The following DDX46 variants were observed in gnomAD, a reference collection of about 807,000 sequenced individuals.
DDX46 encodes the protein DEAD-box helicase 46.
A neutral mutation model predicts 134.9 loss-of-function variants in DDX46; 30 were observed. The observed-to-expected ratio is 0.22, with a 90% CI of 0.17 to 0.30. The LOEUF is 0.30. DDX46 is among the 10% of genes least tolerant of loss of function. The probability of loss-of-function intolerance (pLI) is 1.00; values close to 1 mark genes in which losing one functional copy is unlikely to be tolerated. For missense variants in DDX46, 622 were observed against 1,248.7 expected (o/e 0.50, Z 7.56); for synonymous variants, 415 against 404.1 (o/e 1.03, Z -0.32).
Position 134,811,275 on chromosome 5 carries a change from A to G in DDX46, c.2203A>G (p.Ile735Val), listed in dbSNP as rs746193142. 3 of 1,614,090 alleles carry G rather than the reference A, an allele frequency of 1.9e-6. 1 individual carries two copies. The South Asian group carries it at 3.3e-5, about 18-fold the overall frequency. Residue 735 changes from isoleucine (I) to valine (V), a missense_variant, in exon 17 of 23, where the codon ATT becomes GTT. Around this residue, in one of 8 missense-constraint regions of DDX46, gnomAD observed 209 missense variants for 508.4 expected, o/e 0.41. Transcript: ENST00000452510. ...TCAAGCTCGCTATGCTGGTGACATAATTAAAGCTCTTGAATTGTCAGGGAC... is the reference window on the plus strand; with the variant it reads ...TCAAGCTCGCTATGCTGGTGACATAGTTAAAGCTCTTGAATTGTCAGGGAC... ...EDQARYAGDIIKALELSGTAV... is the reference protein window; with the variant it reads ...EDQARYAGDIVKALELSGTAV...
intron 18 of DDX46, among the ~76,000 whole-genome samples, chr5:134,815,576 G>A (rs1452019937): frequency 1.3e-5 from 2 of 151,642 alleles, no homozygotes; most frequent in South Asian, 2.1e-4. Flanking sequence ...GTGTGGTGGC[G>A]GGCACCTGTA....
At chr5:134,815,725 A>AAAG (rs1755271947) in intron 18 of DDX46, among the ~76,000 whole-genome samples, 1 of 151,044 alleles carries the variant, frequency 6.6e-6, no homozygotes, top group African/African-American at 2.4e-5. Context: ...AAAAAAAAAA[A>AAAG]AAAAAAAGAA....
At chr5:134,776,838 A>G (rs1240570851) in intron 5 of DDX46, among the ~76,000 whole-genome samples, 1 of 150,404 alleles carries the variant, frequency 6.6e-6, no homozygotes, top group African/African-American at 2.4e-5. Context: ...GCTTGAACCC[A>G]GGATATCAGA....
chr5:134,775,466 C>T (rs571351138), intron 5 of DDX46, among the ~76,000 whole-genome samples: 2 of 151,846 alleles, frequency 1.3e-5, no homozygotes, highest in East Asian at 3.9e-4. Context: ...CGCTTGAGTG[C>T]AGTGCCGTGA....
At position 134,811,275 on chromosome 5, in the gene DDX46, A is replaced by C. The variant is rs746193142; in HGVS notation, c.2203A>C (p.Ile735Leu). 1 of 1,614,090 alleles carries C rather than the reference A, an allele frequency of 6.2e-7. No homozygotes were observed. Residue 735 changes from isoleucine to leucine, a missense_variant, in exon 17 of 23, where the codon ATT (isoleucine) becomes CTT (leucine). By Grantham distance (5) the Ile-to-Leu change is conservative (BLOSUM62 2). This residue lies in a region of DDX46 where 209 missense variants were observed against 508.4 expected (regional missense o/e 0.41). Transcript: ENST00000452510. Reference sequence around the variant, plus strand: ...TCAAGCTCGCTATGCTGGTGACATAATTAAAGCTCTTGAATTGTCAGGGAC... The same window carrying C: ...TCAAGCTCGCTATGCTGGTGACATACTTAAAGCTCTTGAATTGTCAGGGAC... ...EDQARYAGDI[I>L]KALELSGTAV...
chr5:134,773,238 A>G (rs1365857413), intron 4 of DDX46, among the ~76,000 whole-genome samples: 1 of 152,202 alleles, frequency 6.6e-6, no homozygotes. Context: ...GCCTGGCCAT[A>G]AAATTTCTTT....
chr5:134,811,776 T>C lies in DDX46; in HGVS notation c.2367T>C (p.Asn789=), dbSNP rs1755146887. 6.2e-7 allele frequency: 1 copy of C among 1,614,078 alleles called. No homozygotes were observed. The highest frequency in any genetic ancestry group is 8.5e-7 in the Non-Finnish European group (1 of 1,179,994). The part of the protein sequence containing the change: ...KFDETEQALA[N]ERKKLQKAAL... ...ATGAAACAGAACAAGCTTTGGCTAA[T>C]GAGAGGAAGAAGTTACAAAAAGCAG... The change falls in exon 18 of 23, where the codon AAT becomes AAC. Residue 789 remains asparagine, a synonymous_variant. Coordinates refer to ENST00000452510, the MANE Select transcript of DDX46 (RefSeq NM_001300860.2).
intron 5 of DDX46, 81 bp downstream of exon 5, chr5:134,773,942 CTT>C (rs1753854831): frequency 1.5e-6 from 2 of 1,349,298 alleles, no homozygotes; most frequent in Non-Finnish European, 2.0e-6. Context: ...GGTTTTTAAT[CTT>C]TTTTATTGTT....
Position 134,816,417 on chromosome 5 carries a change from C to G in DDX46, c.2437-13C>G, listed in dbSNP as rs1246301371. The G allele has an allele frequency of 6.5e-7, 1 of 1,549,922 alleles. No homozygotes were observed. Among genetic ancestry groups the G allele is most frequent in the Non-Finnish European group, 8.7e-7 (1 of 1,149,638 alleles). ...TCAGTTTTTTACTAGTCCTTTTTTT[C>G]CTTTTGATCTAGATTGATGAGCAAA... On this transcript the variant is annotated splice_polypyrimidine_tract_variant and intron_variant, in intron 18 of 22. Transcript: ENST00000452510.
chr5:134,815,900 A>G (rs1193751651), intron 18 of DDX46, among the ~76,000 whole-genome samples: 3 of 152,000 alleles, frequency 2.0e-5, no homozygotes, highest in Non-Finnish European at 4.4e-5. Flanking sequence ...GGCAAATCCA[A>G]TTGGATTTTA....
rs533012502 is a variant in DDX46 at position 134,766,211 on chromosome 5, A to G, written c.207-706A>G. On this transcript the variant is annotated intron_variant, in intron 2 of 22. Transcript: ENST00000452510. ...TTCTATCTTAGACCATCGATTTTCA[A>G]TCGATGTTAATTACAGACTTATTAT... 1.4e-4 allele frequency among the ~76,000 whole-genome samples: 22 copies of G among 152,314 alleles called. No individual in the cohort carries two copies. In the South Asian group the frequency reaches 4.6e-3, roughly 32 times the overall value.
intron 21 of DDX46, among the ~76,000 whole-genome samples, chr5:134,822,090 G>A (rs980041873): frequency 6.6e-6 from 1 of 151,754 alleles, no homozygotes; most frequent in Non-Finnish European, 1.5e-5. Context: ...CGTTGGCCAG[G>A]CTGTTCTTGA....
chr5:134,765,547 C>T (rs1173528782), intron 2 of DDX46, among the ~76,000 whole-genome samples: 1 of 151,804 alleles, frequency 6.6e-6, no homozygotes, highest in East Asian at 1.9e-4. Flanking sequence ...ATCAGGACTC[C>T]ATCTCAAAAC....
chr5:134,780,101 T>C (rs1754089586), intron 6 of DDX46, among the ~76,000 whole-genome samples: 1 of 54,594 alleles, frequency 1.8e-5, no homozygotes, highest in African/African-American at 5.5e-5. Flanking sequence ...AAAATATATG[T>C]GTGTGTGTGT....
Position 134,812,257 on chromosome 5 carries a change from G to A in DDX46, c.2436+412G>A, listed in dbSNP as rs1057464566. ...TTTTTGTATTTTTAGTTGAGGCGGG[G>A]TTTAACCTTCTTGCCCAGGCTGGTC... On this transcript the variant is annotated intron_variant, in intron 18 of 22. Transcript: ENST00000452510. Among the ~76,000 whole-genome samples the A allele has an allele frequency of 2.6e-5, 4 of 151,892 alleles. No individual in the cohort carries two copies. In the East Asian group the frequency reaches 5.8e-4, roughly 22 times the overall value.
chr5:134,787,636 G>T (rs921691095), intron 11 of DDX46, among the ~76,000 whole-genome samples: 61 of 152,158 alleles, frequency 4.0e-4, no homozygotes, highest in Non-Finnish European at 8.8e-5. Flanking sequence ...CCTGCACGTT[G>T]TATTTATATA....
chr5:134,779,601 C>G (rs915415163), intron 6 of DDX46, among the ~76,000 whole-genome samples: 1 of 152,180 alleles, frequency 6.6e-6, no homozygotes, highest in African/African-American at 2.4e-5. Flanking sequence ...TGGGCTGAAG[C>G]AATCGTTCTG....
chr5:134,826,762 T>A, intron 21 of DDX46, 185 bp from the exon 22 acceptor site: 1 of 514,644 alleles, frequency 1.9e-6, no homozygotes, highest in East Asian at 3.2e-5. Context: ...CTGAAAGTAA[T>A]CAAAATAATA....
intron 20 of DDX46, among the ~76,000 whole-genome samples, chr5:134,818,458 T>A (rs543605180): frequency 6.7e-6 from 1 of 150,330 alleles, no homozygotes; most frequent in South Asian, 2.1e-4. Context: ...TCCCAGCACT[T>A]TGGGAGACTA....
Sources: allele counts gnomAD v4.1 joint callset (sites outside exome capture counted in the v4.1 genomes callset), GRCh38; gene constraint gnomAD v4.1.1; regional missense constraint gnomAD v4.1.1; transcripts MANE v1.5; gene names NCBI Gene and HGNC (gene_info 2026-07-23, HGNC 2026-07-21).